Variants in CALB1 observed in about 807,000 individuals in gnomAD.
CALB1 encodes calbindin.
Under a neutral mutation model 46.7 loss-of-function variants are expected in CALB1, and 16 were observed. The observed-to-expected ratio is 0.34, with a 90% confidence interval of 0.23 to 0.52. The LOEUF (loss-of-function observed/expected upper bound fraction) is 0.52. Among genes scored for constraint, CALB1 ranks in the 20% least tolerant of loss-of-function variants. The probability of loss-of-function intolerance (pLI) is 0.95; values close to 1 mark genes in which losing one functional copy is unlikely to be tolerated. For missense variants in CALB1, 224 were observed against 300.3 expected (o/e 0.75, Z 1.88); for synonymous variants, 90 against 112.8 (o/e 0.80, Z 1.28).
chr8:90,076,455 A>G (rs1283683891), intron 3 of CALB1, among the ~76,000 whole-genome samples: 1 of 152,068 alleles, frequency 6.6e-6, no homozygotes, highest in Non-Finnish European at 1.5e-5. Flanking sequence ...TCTTCATTTT[A>G]TATTTAAATT....
intron 9 of CALB1, chr8:90,061,243 A>G (rs1814291444): frequency 6.6e-6 from 1 of 152,362 alleles, no homozygotes; most frequent in South Asian, 2.1e-4. Context: ...ATCTTGTTCA[A>G]AGTCTCAAAG....
intron 1 of CALB1, 120 bp downstream of exon 1, chr8:90,082,499 G>T: frequency 2.4e-6 from 2 of 819,698 alleles, no homozygotes; most frequent in African/African-American, 1.7e-5. Flanking sequence ...TTAGGCAGAA[G>T]GGGGAAGAAG....
intron 5 of CALB1, among the ~76,000 whole-genome samples, chr8:90,066,534 A>G (rs1814400065): frequency 6.6e-6 from 1 of 152,194 alleles, no homozygotes; most frequent in Middle Eastern, 3.4e-3. Flanking sequence ...AATGCAGTCC[A>G]AAGCACTTTG....
intron 7 of CALB1, 22 bp downstream of exon 7, chr8:90,063,384 T>C (rs760617465): frequency 2.5e-6 from 4 of 1,602,706 alleles, no homozygotes; most frequent in African/African-American, 2.7e-5. Context: ...CTTACAATAT[T>C]TTTCATGGTT....
At chr8:90,074,849 C>T (rs1805877) in intron 3 of CALB1, among the ~76,000 whole-genome samples, 113,569 of 152,092 alleles carry the variant, frequency 0.75, 42,638 homozygotes, top group African/African-American at 0.82. Flanking sequence ...GAAAAACTTA[C>T]AGATTTGACA....
chr8:90,062,896 G>C (rs1313224280), intron 9 of CALB1: 3 of 480,268 alleles, frequency 6.2e-6, no homozygotes, highest in South Asian at 2.9e-5. Context: ...GTTATTGCCA[G>C]GGCTGGGGGA....
At chr8:90,076,630 C>T (rs1814627953) in intron 3 of CALB1, among the ~76,000 whole-genome samples, 1 of 151,916 alleles carries the variant, frequency 6.6e-6, no homozygotes, top group African/African-American at 2.4e-5. Flanking sequence ...CTTCTGTTAC[C>T]TATATTTCTA....
intron 3 of CALB1, among the ~76,000 whole-genome samples, chr8:90,070,159 T>C (rs1814483439): frequency 6.6e-6 from 1 of 152,120 alleles, no homozygotes; most frequent in Admixed American, 6.5e-5. Flanking sequence ...AGTACCCTCA[T>C]CACTAAAACA....
At chr8:90,061,019 C>G (rs77495040) in intron 9 of CALB1, 12,171 of 261,432 alleles carry the variant, frequency 0.047, 567 homozygotes, top group East Asian at 0.2. Flanking sequence ...GTATGTGGCT[C>G]TATGTCACAC....
At chr8:90,061,161 C>T (rs1029389199) in intron 9 of CALB1, 2 of 153,340 alleles carry the variant, frequency 1.3e-5, no homozygotes, top group Non-Finnish European at 2.9e-5. Context: ...AATCCTCATT[C>T]AATCCTGCAA....
chr8:90,076,105 A>G (rs1414033140), intron 3 of CALB1, among the ~76,000 whole-genome samples: 3 of 151,906 alleles, frequency 2.0e-5, no homozygotes, highest in Non-Finnish European at 2.9e-5. Context: ...TATGTATCTC[A>G]TTTGTCTCCC....
intron 6 of CALB1, among the ~76,000 whole-genome samples, chr8:90,065,277 T>TCTTG (rs1210598937): frequency 6.6e-6 from 1 of 151,774 alleles, no homozygotes; most frequent in Non-Finnish European, 1.5e-5. Flanking sequence ...AAAGCAGTTT[T>TCTTG]CTTGGCTCTA....
chr8:90,074,089 A>G (rs1814579455), intron 3 of CALB1, among the ~76,000 whole-genome samples: 1 of 152,176 alleles, frequency 6.6e-6, no homozygotes, highest in African/African-American at 2.4e-5. Context: ...GAAATTTGAA[A>G]GGTAAATAAC....
In CALB1 at chr8:90,069,280, C is replaced by G. The variant is rs202029603; in HGVS notation, c.232-43G>C. On this transcript the variant is annotated intron_variant, in intron 3 of 10. Coordinates refer to ENST00000265431, the MANE Select transcript of CALB1 (RefSeq NM_004929.4). Reference sequence around the variant, plus strand: ...AGAGAGAAACGTGTTGTAAGTTGCTCAAAAACAAGTCTCTGCCATTACCTG... The same window carrying G: ...AGAGAGAAACGTGTTGTAAGTTGCTGAAAAACAAGTCTCTGCCATTACCTG... 3.4e-6 allele frequency: 5 copies of G among 1,473,942 alleles called. No individual in the cohort carries two copies. The South Asian group carries it at 4.6e-5, about 13-fold the overall frequency. 91.3% of individuals were successfully genotyped at this position (1,473,942 alleles called of 1,614,324 possible).
chr8:90,063,703 C>T, intron 6 of CALB1: 1 of 440,112 alleles, frequency 2.3e-6, no homozygotes, highest in Admixed American at 4.0e-5. Flanking sequence ...AGCTATGTTT[C>T]TAGAATACTG....
chr8:90,059,068 A>T lies in CALB1; in HGVS notation c.*1105T>A, dbSNP rs1260772552. The T allele has an allele frequency of 6.6e-6, 1 of 152,262 alleles. No homozygotes were observed. The highest frequency in any genetic ancestry group is 1.5e-5 in the Non-Finnish European group (1 of 68,036). 9.4% of individuals were successfully genotyped at this position (152,262 alleles called of 1,614,324 possible). ...CTTGCTAGATAAGATAAATGATTACATTAGCATTTCTTTTCAGATGTTATT... is the reference window on the plus strand; with the variant it reads ...CTTGCTAGATAAGATAAATGATTACTTTAGCATTTCTTTTCAGATGTTATT... On this transcript the variant is annotated 3_prime_UTR_variant, in exon 11 of 11. Coordinates refer to ENST00000265431, the MANE Select transcript of CALB1 (RefSeq NM_004929.4).
intron 6 of CALB1, among the ~76,000 whole-genome samples, chr8:90,065,331 T>C (rs1163288479): frequency 6.6e-6 from 1 of 151,648 alleles, no homozygotes; most frequent in Non-Finnish European, 1.5e-5. Flanking sequence ...CTATTTACCA[T>C]AGCATCAACC....
Position 90,063,170 on chromosome 8 carries a change from G to T in CALB1, c.547-17C>A. ...TTTGATTCCCTAAAGATAGAGAAGA[G>T]AGTAAATGTTAAAATGTTATTACTA... On this transcript the variant is annotated splice_polypyrimidine_tract_variant and intron_variant, in intron 8 of 10. Coordinates refer to ENST00000265431, the MANE Select transcript of CALB1 (RefSeq NM_004929.4). 6.3e-7 allele frequency: 1 copy of T among 1,589,556 alleles called. No individual in the cohort carries two copies. Among genetic ancestry groups the T allele is most frequent in the South Asian group, 1.1e-5 (1 of 90,194 alleles).
chr8:90,060,834 C>G, intron 9 of CALB1, 134 bp from the exon 10 acceptor site: 3 of 750,330 alleles, frequency 4.0e-6, no homozygotes, highest in Non-Finnish European at 6.8e-6. Flanking sequence ...TTATGTCAGG[C>G]CACCCAAGTT....
Sources: allele counts gnomAD v4.1 joint callset (sites outside exome capture counted in the v4.1 genomes callset), GRCh38; gene constraint gnomAD v4.1.1; transcripts MANE v1.5; gene names NCBI Gene and HGNC (gene_info 2026-07-23, HGNC 2026-07-21).